The following ETS1 variants were observed in gnomAD, a reference collection of about 807,000 sequenced individuals.
ETS1 encodes ETS proto-oncogene 1, transcription factor, also known as protein C-ets-1.
Under a neutral mutation model 58.6 loss-of-function variants are expected in ETS1, and 15 were observed. That is an observed-to-expected ratio of 0.26 (90% CI 0.17 to 0.39). ETS1 has a LOEUF of 0.39. Ranked by LOEUF, ETS1 falls within the 10% of genes least tolerant of loss-of-function variation. The probability of loss-of-function intolerance (pLI) is 1.00; values close to 1 mark genes in which losing one functional copy is unlikely to be tolerated. For synonymous variants in ETS1, 214 were observed against 218.2 expected (o/e 0.98, Z 0.17); for missense variants, 417 against 610.5 (o/e 0.68, Z 3.34).
At chr11:128,504,388 CA>C (rs1364633280) in intron 3 of ETS1, among the ~76,000 whole-genome samples, 1 of 152,134 alleles carries the variant, frequency 6.6e-6, no homozygotes, top group African/African-American at 2.4e-5. Context: ...TATCCAGGAC[CA>C]AAAAGCAGAA....
intron 1 of ETS1, among the ~76,000 whole-genome samples, chr11:128,578,588 G>A (rs946252399): frequency 1.3e-5 from 2 of 152,110 alleles, no homozygotes; most frequent in Admixed American, 6.5e-5. Context: ...AGAATCACCT[G>A]AAACCTCACC....
At chr11:128,557,217 A>C (rs1394246940) in intron 2 of ETS1, among the ~76,000 whole-genome samples, 1 of 152,228 alleles carries the variant, frequency 6.6e-6, no homozygotes, top group Admixed American at 6.5e-5. Flanking sequence ...TGTAAAATGA[A>C]AATAATAGAA....
intron 2 of ETS1, among the ~76,000 whole-genome samples, chr11:128,560,540 T>C (rs1591663124): frequency 6.6e-6 from 1 of 152,232 alleles, no homozygotes. Context: ...AATAAAACAA[T>C]GGAGACAGAA....
intron 3 of ETS1, among the ~76,000 whole-genome samples, chr11:128,503,926 C>T (rs1863157849): frequency 6.6e-6 from 1 of 152,198 alleles, no homozygotes. Context: ...TACCAGCACG[C>T]CAGCTAAACA....
intron 1 of ETS1, among the ~76,000 whole-genome samples, chr11:128,575,344 C>T (rs1461546456): frequency 6.6e-6 from 1 of 152,172 alleles, no homozygotes; most frequent in African/African-American, 2.4e-5. Context: ...TCTTACTGTA[C>T]TGTACTCACC....
rs549826354 is a variant in ETS1 at position 128,539,767 on chromosome 11, A to G, written c.214+16524T>C. 9.9e-4 allele frequency among the ~76,000 whole-genome samples: 150 copies of G among 152,266 alleles called. 1 individual carries two copies. The highest frequency in any genetic ancestry group is 1.9e-3 in the Non-Finnish European group (126 of 68,044). On this transcript the variant is annotated intron_variant, in intron 3 of 9. Transcript: ENST00000392668. ...TGGATAAATAAAATGTGCCATGGCC[A>G]TATAATGGAATATTATTTTGATGAT... is the stretch of plus-strand genomic sequence containing the variant.
chr11:128,512,214 T>C (rs1231432172), intron 3 of ETS1, among the ~76,000 whole-genome samples: 2 of 152,174 alleles, frequency 1.3e-5, no homozygotes, highest in East Asian at 3.8e-4. Flanking sequence ...ATGGCAATAA[T>C]AATGCTTCAC....
At chr11:128,480,637 C>T (rs936280669) in intron 7 of ETS1, among the ~76,000 whole-genome samples, 186 bp from the exon 8 acceptor site, 1 of 152,122 alleles carries the variant, frequency 6.6e-6, no homozygotes, top group Non-Finnish European at 1.5e-5. Context: ...AAAGGGGCTG[C>T]ACTAGGCCAC....
chr11:128,496,955 A>C (rs1362484278), intron 3 of ETS1, among the ~76,000 whole-genome samples: 1 of 152,194 alleles, frequency 6.6e-6, no homozygotes, highest in African/African-American at 2.4e-5. Flanking sequence ...AGCAAGAGTG[A>C]AGCAATAAAT....
Position 128,463,936 on chromosome 11 carries a change from G to T in ETS1, c.1124-309C>A, listed in dbSNP as rs967217888. The stretch of plus-strand genomic sequence containing the variant: ...AAGAGAACACTGTGCCTATCCTCTG[G>T]GATATTCTAAGGCAGCATAATCTTT... On this transcript the variant is annotated intron_variant, in intron 8 of 9. Transcript: ENST00000392668. The surrounding 1 kb of genome is among the most constrained non-coding windows in gnomAD (Gnocchi z 4.1). 9.9e-6 allele frequency: 2 copies of T among 201,532 alleles called. No individual in the cohort carries two copies. The highest frequency in any genetic ancestry group is 1.9e-3 in the Middle Eastern group (1 of 514). The allele number at this position is 201,532 out of a possible 1,614,324, so 12.5% of individuals were successfully genotyped here.
Position 128,484,861 on chromosome 11 carries a change from A to G in ETS1, c.824T>C (p.Val275Ala). ...CCCCATGCACATGTTGTCTGGGGTGACGACTTCTTGTTTGATAGCAAAGTA... is the reference window on the plus strand; with the variant it reads ...CCCCATGCACATGTTGTCTGGGGTGGCGACTTCTTGTTTGATAGCAAAGTA... ...NDYFAIKQEV[V>A]TPDNMCMGRT... Residue 275 changes from valine (V) to alanine (A), a missense_variant, in exon 7 of 10, where the codon GTC becomes GCC. Coordinates refer to ENST00000392668, the MANE Select transcript of ETS1 (RefSeq NM_001143820.2). The G allele has an allele frequency of 6.2e-7, 1 of 1,614,126 alleles. No homozygotes were observed. The highest frequency in any genetic ancestry group is 8.5e-7 in the Non-Finnish European group (1 of 1,179,972).
intron 3 of ETS1, among the ~76,000 whole-genome samples, chr11:128,499,338 T>C (rs1024437500): frequency 2.0e-5 from 3 of 152,134 alleles, no homozygotes; most frequent in Non-Finnish European, 4.4e-5. Flanking sequence ...CACCTATAAT[T>C]ATCATTCCTG....
intron 2 of ETS1, among the ~76,000 whole-genome samples, chr11:128,564,177 C>A (rs543191651): frequency 3.3e-5 from 5 of 152,264 alleles, no homozygotes; most frequent in African/African-American, 1.2e-4. Context: ...AGGAGGCAAA[C>A]AGAACCACTC....
intron 3 of ETS1, among the ~76,000 whole-genome samples, chr11:128,524,360 G>A (rs898378722): frequency 4.6e-5 from 7 of 152,340 alleles, no homozygotes; most frequent in African/African-American, 1.7e-4. Flanking sequence ...TCAAGGAATA[G>A]GGTTGCGTAA....
intron 1 of ETS1, among the ~76,000 whole-genome samples, chr11:128,578,533 T>C (rs1864798104): frequency 1.3e-5 from 2 of 152,110 alleles, no homozygotes; most frequent in South Asian, 4.1e-4. Flanking sequence ...ACTAATACAA[T>C]GTTACCGCAA....
At chr11:128,512,327 G>A (rs1300148502) in intron 3 of ETS1, among the ~76,000 whole-genome samples, 1 of 152,174 alleles carries the variant, frequency 6.6e-6, no homozygotes, top group Non-Finnish European at 1.5e-5. Context: ...ATGGAGATGA[G>A]AAGTGCTTAC....
chr11:128,502,835 G>A (rs1015366311), intron 3 of ETS1, among the ~76,000 whole-genome samples: 3 of 152,224 alleles, frequency 2.0e-5, no homozygotes, highest in Non-Finnish European at 2.9e-5. Context: ...CTGGGCTGGG[G>A]AGGAAGGAAC....
intron 3 of ETS1, among the ~76,000 whole-genome samples, chr11:128,491,872 TATC>T (rs1045932630): frequency 7.9e-5 from 12 of 152,216 alleles, no homozygotes; most frequent in African/African-American, 2.9e-4. Flanking sequence ...TTTGCAAATG[TATC>T]ATCATTTGCC....
chr11:128,579,288 C>A (rs942391445), intron 1 of ETS1, among the ~76,000 whole-genome samples: 16 of 152,060 alleles, frequency 1.1e-4, no homozygotes, highest in African/African-American at 3.9e-4. Context: ...GAGCATTTAT[C>A]CTAATGTCAA....
Sources: gnomAD v4.1 joint callset for allele counts (sites outside exome capture counted in the v4.1 genomes callset) on GRCh38, gnomAD v4.1.1 for gene constraint, Gnocchi (gnomAD v3.1) non-coding constraint, MANE v1.5 for transcripts, NCBI Gene and HGNC (gene_info 2026-07-23, HGNC 2026-07-21) for gene names.